WHAMM: variants seen among roughly 807,000 people sequenced by gnomAD.
The protein encoded by WHAMM is WASP homolog-associated protein with actin, membranes and microtubules.
WHAMM carries 67 observed loss-of-function variants against 76.5 expected under a neutral mutation model. The ratio of observed to expected loss-of-function variants is 0.88; its 90% CI spans 0.72 to 1.07. The LOEUF is 1.07. WHAMM is among the 50% of genes least tolerant of loss of function. The pLI is 0.00. For missense variants in WHAMM, 1,021 were observed against 1,051.1 expected (o/e 0.97, Z 0.40); for synonymous variants, 419 against 422.1 (o/e 0.99, Z 0.09).
intron 6 of WHAMM, among the ~76,000 whole-genome samples, chr15:82,826,011 A>T (rs1056980860): frequency 3.3e-5 from 5 of 152,180 alleles, no homozygotes; most frequent in African/African-American, 1.2e-4. Flanking sequence ...AAACAGTTCT[A>T]ATTTTTCAGG....
chr15:82,830,922 AC>A lies in WHAMM; in HGVS notation c.1970del (p.Pro657LeufsTer18), dbSNP rs2051020810. ...PPPPPPPPPP[P>X]PPLRALSSSS... Reference sequence around the variant, plus strand: ...CACCACCGCCGCCACCGCCGCCCCCACCCCCTCCTCTCCGTGCTCTGTCCTC... The same window carrying A: ...CACCACCGCCGCCACCGCCGCCCCCACCCCTCCTCTCCGTGCTCTGTCCTC... On this transcript the variant is annotated frameshift_variant, in exon 9 of 10. Coordinates refer to ENST00000286760, the MANE Select transcript of WHAMM (RefSeq NM_001080435.3). LOFTEE classifies it high-confidence loss of function. The A allele has an allele frequency of 1.3e-5, 7 of 521,234 alleles. No individual in the cohort carries two copies. The highest frequency in any genetic ancestry group is 1.5e-5 in the Non-Finnish European group (5 of 338,390). 32.3% of individuals were successfully genotyped at this position (521,234 alleles called of 1,614,324 possible).
chr15:82,833,202 G>C, intron 9 of WHAMM, 27 bp from the exon 10 acceptor site: 2 of 1,603,658 alleles, frequency 1.2e-6, no homozygotes, highest in Non-Finnish European at 1.7e-6. Context: ...TTTATTGATA[G>C]TACTAGCTCT....
At chr15:82,832,297 A>G (rs1000363922) in intron 9 of WHAMM, among the ~76,000 whole-genome samples, 2 of 152,126 alleles carry the variant, frequency 1.3e-5, no homozygotes, top group Admixed American at 6.5e-5. Flanking sequence ...AGAAATTGTA[A>G]TAAGAAGGTA....
intron 6 of WHAMM, among the ~76,000 whole-genome samples, chr15:82,825,444 C>CT (rs2050915210): frequency 6.6e-6 from 1 of 152,126 alleles, no homozygotes; most frequent in Non-Finnish European, 1.5e-5. Context: ...ATCACTCCCC[C>CT]TACCCCATTT....
Position 82,810,137 on chromosome 15 carries a change from C to G in WHAMM, c.411C>G (p.Pro137=), listed in dbSNP as rs2050601586. Residue 137 remains proline (P), a synonymous_variant, in exon 1 of 10, where the codon CCC becomes CCG. Coordinates refer to ENST00000286760, the MANE Select transcript of WHAMM (RefSeq NM_001080435.3). ...TGCTGTGGCCGACGCGCGCGGGTCC[C>G]GGCGAGGCGGCGCTGCAGGAGCTGT... ...WALLWPTRAG[P]GEAALQELCG... 2.2e-6 allele frequency: 3 copies of G among 1,364,084 alleles called. No homozygotes were observed. Among genetic ancestry groups the G allele is most frequent in the Non-Finnish European group, 9.5e-7 (1 of 1,051,600 alleles). The allele number at this position is 1,364,084 out of a possible 1,614,324, so 84.5% of individuals were successfully genotyped here.
intron 9 of WHAMM, among the ~76,000 whole-genome samples, chr15:82,831,396 T>G (rs574163860): frequency 1.3e-3 from 195 of 152,362 alleles, no homozygotes; most frequent in African/African-American, 4.3e-3. Flanking sequence ...TCAGTATGTA[T>G]TTGATTTCTG....
intron 9 of WHAMM, among the ~76,000 whole-genome samples, chr15:82,832,050 G>C (rs1420781354): frequency 3.3e-5 from 5 of 152,194 alleles, no homozygotes; most frequent in Non-Finnish European, 7.4e-5. Context: ...CATGGGGTTT[G>C]CAACAACTGC....
In WHAMM at chr15:82,830,686, T is replaced by C. The variant is rs758288045; in HGVS notation, c.1729T>C (p.Leu577=). ...LPSDLSQQMC[L]PASHAVSVIH... Reference sequence around the variant, plus strand: ...AAGTGATCTTTCCCAGCAGATGTGCTTGCCAGCTTCCCACGCGGTGTCAGT... The same window carrying C: ...AAGTGATCTTTCCCAGCAGATGTGCCTGCCAGCTTCCCACGCGGTGTCAGT... Residue 577 remains leucine, a synonymous_variant, in exon 9 of 10, where the codon TTG becomes CTG. Coordinates refer to ENST00000286760, the MANE Select transcript of WHAMM (RefSeq NM_001080435.3). 1.2e-6 allele frequency: 2 copies of C among 1,614,000 alleles called. No individual in the cohort carries two copies. Among genetic ancestry groups the C allele is most frequent in the Non-Finnish European group, 1.7e-6 (2 of 1,179,882 alleles).
At position 82,835,206 on chromosome 15, in the gene WHAMM, A is replaced by C. The variant is rs1475498979; in HGVS notation, c.*1670A>C. 1 of 151,790 alleles carries C rather than the reference A, an allele frequency of 6.6e-6. No individual in the cohort carries two copies. The highest frequency in any genetic ancestry group is 1.5e-5 in the Non-Finnish European group (1 of 68,012). 9.4% of individuals were successfully genotyped at this position (151,790 alleles called of 1,614,324 possible). On this transcript the variant is annotated 3_prime_UTR_variant, in exon 10 of 10. Coordinates refer to ENST00000286760, the MANE Select transcript of WHAMM (RefSeq NM_001080435.3). ...CGGTGGCACGATCTCAGCTCACTGCAACCTCTGCCTCCTGGGTTCAAGTGA... is the reference window on the plus strand; with the variant it reads ...CGGTGGCACGATCTCAGCTCACTGCCACCTCTGCCTCCTGGGTTCAAGTGA...
chr15:82,824,014 AT>A (rs1023165618), intron 6 of WHAMM, among the ~76,000 whole-genome samples: 18 of 151,938 alleles, frequency 1.2e-4, no homozygotes, highest in African/African-American at 2.2e-4. Context: ...ATATTTGGTG[AT>A]TTTTTTTCTT....
intron 3 of WHAMM, 139 bp from the exon 4 acceptor site, chr15:82,817,781 T>A: frequency 1.6e-6 from 1 of 637,842 alleles, no homozygotes; most frequent in Non-Finnish European, 2.4e-6. Context: ...ATTTTTATCA[T>A]AATAAAAAAG....
chr15:82,833,712 TG>T lies in WHAMM; in HGVS notation c.*178del, dbSNP rs2051079158. On this transcript the variant is annotated 3_prime_UTR_variant, in exon 10 of 10. Coordinates refer to ENST00000286760, the MANE Select transcript of WHAMM (RefSeq NM_001080435.3). ...TTTTTTTTTTTTTTCTTTTTTGAGA[TG>T]GAGTCTCACTCTGTCGCCCAGGCTG... 2.9e-6 allele frequency: 2 copies of T among 690,738 alleles called. No individual in the cohort carries two copies. Among genetic ancestry groups the T allele is most frequent in the Admixed American group, 6.0e-5 (2 of 33,384 alleles). The allele number at this position is 690,738 out of a possible 1,614,324, so 42.8% of individuals were successfully genotyped here.
intron 3 of WHAMM, 42 bp downstream of exon 3, chr15:82,816,884 A>G (rs1407225296): frequency 1.3e-6 from 2 of 1,525,562 alleles, no homozygotes; most frequent in African/African-American, 2.8e-5. Context: ...CATGTAATTG[A>G]TTATCATTTT....
At chr15:82,824,486 A>G (rs1158264483) in intron 6 of WHAMM, among the ~76,000 whole-genome samples, 5 of 151,944 alleles carry the variant, frequency 3.3e-5, no homozygotes, top group Non-Finnish European at 7.4e-5. Context: ...ACCCCTGGCT[A>G]ATTTTTGTAT....
At chr15:82,820,616 T>C (rs1256054885) in intron 5 of WHAMM, among the ~76,000 whole-genome samples, 1 of 152,146 alleles carries the variant, frequency 6.6e-6, no homozygotes, top group Non-Finnish European at 1.5e-5. Context: ...GCTCCCAGGC[T>C]GGGTGTGGTG....
At chr15:82,824,318 C>T (rs189699080) in intron 6 of WHAMM, among the ~76,000 whole-genome samples, 64 of 151,296 alleles carry the variant, frequency 4.2e-4, no homozygotes, top group African/African-American at 6.1e-4. Flanking sequence ...CCACCACACC[C>T]GGCTAATATA....
At chr15:82,810,453 G>T in intron 1 of WHAMM, 118 bp downstream of exon 1, 1 of 1,222,000 alleles carries the variant, frequency 8.2e-7, no homozygotes, top group Non-Finnish European at 1.0e-6. Flanking sequence ...CCGGCGGGCG[G>T]AGAAGGCCGC....
chr15:82,820,793 G>A (rs916940087), intron 5 of WHAMM, among the ~76,000 whole-genome samples: 2 of 151,790 alleles, frequency 1.3e-5, no homozygotes, highest in African/African-American at 4.8e-5. Context: ...TACCTGTGAG[G>A]CTGAGGCAGG....
intron 2 of WHAMM, among the ~76,000 whole-genome samples, chr15:82,815,971 T>A (rs1566992234): frequency 6.6e-6 from 1 of 152,212 alleles, no homozygotes; most frequent in Non-Finnish European, 1.5e-5. Context: ...CTGGGTAGTC[T>A]GAGATCAAGG....
Sources: gnomAD v4.1 joint callset for allele counts (sites outside exome capture counted in the v4.1 genomes callset) on GRCh38, gnomAD v4.1.1 for gene constraint, MANE v1.5 for transcripts, NCBI Gene and HGNC (gene_info 2026-07-23, HGNC 2026-07-21) for gene names.